The following HMGXB4 variants were observed in gnomAD, a reference collection of about 807,000 sequenced individuals.
The protein encoded by HMGXB4 is HMG-box containing 4.
HMGXB4 carries 27 observed loss-of-function variants against 63.9 expected under a neutral mutation model. The ratio of observed to expected loss-of-function variants is 0.42; its 90% CI spans 0.31 to 0.58. HMGXB4 has a LOEUF of 0.58. HMGXB4 is among the 20% of genes least tolerant of loss of function. HMGXB4 has a pLI of 0.13. For missense variants in HMGXB4, 624 were observed against 700.7 expected (o/e 0.89, Z 1.24); for synonymous variants, 264 against 265.3 (o/e 0.99, Z 0.05).
intron 2 of HMGXB4, 112 bp downstream of exon 2, chr22:35,262,533 G>A (rs948309631): frequency 3.7e-6 from 4 of 1,086,866 alleles, no homozygotes; most frequent in Non-Finnish European, 5.7e-6. Flanking sequence ...CCCAAGTGAT[G>A]GTCCAGAGCA....
At position 35,264,870 on chromosome 22, in the gene HMGXB4, T is replaced by A; in HGVS notation, c.482T>A (p.Leu161Gln). Residue 161 changes from leucine (L) to glutamine (Q), a missense_variant, in exon 5 of 11, where the codon CTA becomes CAA. Around this residue, in one of 2 missense-constraint regions of HMGXB4, gnomAD observed 472 missense variants for 470.6 expected, o/e 1.00. Transcript: ENST00000216106. ...KVSGSSGELP[L>Q]EDGGSHKSKK... ...AGTGGAAGCAGTGGGGAACTACCCCTAGAGGATGGTGGCTCCCACAAATCG... is the reference window on the plus strand; with the variant it reads ...AGTGGAAGCAGTGGGGAACTACCCCAAGAGGATGGTGGCTCCCACAAATCG... 1 of 1,614,038 alleles carries A rather than the reference T, an allele frequency of 6.2e-7. No homozygotes were observed.
intron 5 of HMGXB4, among the ~76,000 whole-genome samples, chr22:35,271,796 G>GT (rs1327124613): frequency 6.6e-6 from 1 of 152,198 alleles, no homozygotes; most frequent in Non-Finnish European, 1.5e-5. Context: ...CTAGTTCAAA[G>GT]TAATTCCCAG....
chr22:35,247,699 G>C, the HMGXB4 span, among the ~76,000 whole-genome samples: 1 of 152,106 alleles, frequency 6.6e-6, no homozygotes, highest in South Asian at 2.1e-4. Flanking sequence ...GCTGCCCGAT[G>C]CATAATGTCT....
chr22:35,293,961 C>T lies in HMGXB4; in HGVS notation c.*310C>T, dbSNP rs189678612. ...ATCAATGTAACTTGGGGGCTGGGGG[C>T]TTGTTCTGGGTGCCAAGCGCATCTC... On this transcript the variant is annotated 3_prime_UTR_variant, in exon 11 of 11. Coordinates refer to ENST00000216106, the MANE Select transcript of HMGXB4 (RefSeq NM_001003681.3). The T allele has an allele frequency of 5.2e-6, 1 of 190,710 alleles. No individual in the cohort carries two copies. The highest frequency in any genetic ancestry group is 6.0e-5 in the Admixed American group (1 of 16,790). 11.8% of individuals were successfully genotyped at this position (190,710 alleles called of 1,614,324 possible).
chr22:35,293,175 A>G lies in HMGXB4; in HGVS notation c.1761+61A>G, dbSNP rs888838660. The G allele has an allele frequency of 1.4e-5, 22 of 1,591,602 alleles. 1 individual carries two copies. The highest frequency in any genetic ancestry group is 5.0e-5 in the Admixed American group (3 of 59,918). The stretch of plus-strand genomic sequence containing the variant: ...TGGGCGTCAGAGATGCCCTGCCTTA[A>G]TGAGCACTGTCAGACACACATAAGG... On this transcript the variant is annotated intron_variant, in intron 10 of 10. Transcript: ENST00000216106.
At position 35,267,629 on chromosome 22, in the gene HMGXB4, T is replaced by G. The variant is rs1568997847; in HGVS notation, c.1215+2026T>G. 2.0e-5 allele frequency among the ~76,000 whole-genome samples: 3 copies of G among 152,368 alleles called. No individual in the cohort carries two copies. In the East Asian group the frequency reaches 5.8e-4, roughly 29 times the overall value. On this transcript the variant is annotated intron_variant, in intron 5 of 10. Coordinates refer to ENST00000216106, the MANE Select transcript of HMGXB4 (RefSeq NM_001003681.3). ...ATGTCACTAATTGACATGACCTAGC[T>G]ACACCTTCTGTATTCCCAGTATCCC... is the stretch of plus-strand genomic sequence containing the variant.
chr22:35,263,730 C>CA (rs1389697940), intron 3 of HMGXB4, 66 bp from the exon 4 acceptor site: 11 of 1,063,778 alleles, frequency 1.0e-5, no homozygotes, highest in South Asian at 7.6e-5. Context: ...TCATCAAAGA[C>CA]AAGAGTGGTT....
Position 35,293,625 on chromosome 22 carries a change from A to G in HMGXB4, c.1780A>G (p.Ile594Val). 1.2e-6 allele frequency: 2 copies of G among 1,612,236 alleles called. No homozygotes were observed. Among genetic ancestry groups the G allele is most frequent in the Non-Finnish European group, 1.7e-6 (2 of 1,178,254 alleles). ...TTTGCAGTCAAACACATTAGACAAC[A>G]TTGCTTACATCATGCCGGGACTGTG... is the stretch of plus-strand genomic sequence containing the variant. ...KQVLSNTLDN[I>V]AYIMPGL Residue 594 changes from isoleucine to valine, a missense_variant, in exon 11 of 11, where the codon ATT becomes GTT. Coordinates refer to ENST00000216106, the MANE Select transcript of HMGXB4 (RefSeq NM_001003681.3).
chr22:35,292,929 G>A, intron 9 of HMGXB4, 63 bp from the exon 10 acceptor site: 1 of 1,605,682 alleles, frequency 6.2e-7, no homozygotes, highest in Non-Finnish European at 8.5e-7. Context: ...TACTGTGTGA[G>A]GAAGTCAGCC....
In HMGXB4 at chr22:35,262,415, AAAG is replaced by A; in HGVS notation, c.29_31del (p.Glu10del). 6.2e-7 allele frequency: 1 copy of A among 1,614,020 alleles called. No individual in the cohort carries two copies. The highest frequency in any genetic ancestry group is 1.7e-4 in the Middle Eastern group (1 of 6,060). On this transcript the variant is annotated inframe_deletion, in exon 2 of 11. Transcript: ENST00000216106. ...CATGGCTTATGATGACTCCGTGAAG[AAAG>A]AAGGTATGACCCCATAATCTGAGAA...
At chr22:35,262,279 A>G (rs1922910337) in intron 1 of HMGXB4, 44 bp from the exon 2 acceptor site, 1 of 1,073,526 alleles carries the variant, frequency 9.3e-7, no homozygotes. Context: ...GCTTCTCCTC[A>G]GTGATTTCGC....
At chr22:35,259,261 T>C (rs144417702) in intron 1 of HMGXB4, among the ~76,000 whole-genome samples, 53 of 152,260 alleles carry the variant, frequency 3.5e-4, no homozygotes, top group African/African-American at 1.2e-3. Flanking sequence ...AGTGAACTTT[T>C]ACTTATGTTG....
intron 3 of HMGXB4, 47 bp from the exon 4 acceptor site, chr22:35,263,749 C>A: frequency 7.6e-7 from 1 of 1,310,170 alleles, no homozygotes; most frequent in Non-Finnish European, 1.1e-6. Flanking sequence ...TTACAAACTG[C>A]ATTTGCCTCA....
At chr22:35,275,582 A>G (rs1923863386) in intron 5 of HMGXB4, among the ~76,000 whole-genome samples, 2 of 152,164 alleles carry the variant, frequency 1.3e-5, no homozygotes, top group African/African-American at 4.8e-5. Flanking sequence ...AAGAGCATTA[A>G]CAAGTTGCAT....
the HMGXB4 span, among the ~76,000 whole-genome samples, chr22:35,244,252 AT>A: frequency 1.4e-5 from 2 of 140,236 alleles, no homozygotes; most frequent in African/African-American, 5.3e-5. Context: ...TTTTCAGTCT[AT>A]TTTTTTTCTA....
At chr22:35,267,026 TTGATCTC>T (rs759721920) in intron 5 of HMGXB4, among the ~76,000 whole-genome samples, 2 of 152,002 alleles carry the variant, frequency 1.3e-5, no homozygotes, top group Non-Finnish European at 2.9e-5. Flanking sequence ...GGAATTTAGT[TTGATCTC>T]TGAGGTGGAA....
At chr22:35,252,049 T>C in the HMGXB4 span, among the ~76,000 whole-genome samples, 1 of 152,156 alleles carries the variant, frequency 6.6e-6, no homozygotes, top group Non-Finnish European at 1.5e-5. Flanking sequence ...ACCCCGACTC[T>C]ATTAAAAATA....
the HMGXB4 span, among the ~76,000 whole-genome samples, chr22:35,241,938 C>A: frequency 2.0e-5 from 3 of 152,208 alleles, no homozygotes; most frequent in East Asian, 1.9e-4. Context: ...TGCCTCCCAT[C>A]CGCCATGATC....
rs1925220598 is a variant in HMGXB4, at chr22:35,295,688, C to G, written c.*2037C>G. ...TCAGACCTTCTTGCAGTTTTTATAT[C>G]ATTGTTTTATTTTGTTTTTTAAATA... On this transcript the variant is annotated 3_prime_UTR_variant, in exon 11 of 11. Coordinates refer to ENST00000216106, the MANE Select transcript of HMGXB4 (RefSeq NM_001003681.3). 1.3e-5 allele frequency: 2 copies of G among 152,182 alleles called. No homozygotes were observed. Among genetic ancestry groups the G allele is most frequent in the South Asian group, 4.2e-4 (2 of 4,768 alleles). 9.4% of individuals were successfully genotyped at this position (152,182 alleles called of 1,614,324 possible). A position where few individuals can be genotyped will look rare whatever the true frequency, so the allele number is the denominator to read the frequency against.
Sources: gnomAD v4.1 joint callset for allele counts (sites outside exome capture counted in the v4.1 genomes callset) on GRCh38, gnomAD v4.1.1 for gene constraint, gnomAD v4.1.1 regional missense constraint, MANE v1.5 for transcripts, NCBI Gene and HGNC (gene_info 2026-07-23, HGNC 2026-07-21) for gene names.